The following KREMEN1 variants were observed in gnomAD, a reference collection of about 807,000 sequenced individuals.
The protein encoded by KREMEN1 is kringle containing transmembrane protein 1.
A neutral mutation model predicts 46.5 loss-of-function variants in KREMEN1; 30 were observed. The ratio of observed to expected loss-of-function variants is 0.65; its 90% CI spans 0.48 to 0.88. The LOEUF (loss-of-function observed/expected upper bound fraction) is 0.88. Among genes scored for constraint, KREMEN1 ranks in the 40% least tolerant of loss-of-function variants. The pLI is 0.00. For missense variants in KREMEN1, 533 were observed against 596.9 expected (o/e 0.89, Z 1.11); for synonymous variants, 214 against 230.6 (o/e 0.93, Z 0.65).
At chr22:29,119,531 C>A (rs1472820551) in intron 3 of KREMEN1, among the ~76,000 whole-genome samples, 1 of 152,190 alleles carries the variant, frequency 6.6e-6, no homozygotes, top group Non-Finnish European at 1.5e-5. Context: ...CAGGAGCCTA[C>A]CAAGAGTTGC....
At chr22:29,120,534 CGGAGGAGGG>C (rs2038335648) in intron 3 of KREMEN1, among the ~76,000 whole-genome samples, 14 of 59,548 alleles carry the variant, frequency 2.4e-4, no homozygotes, top group East Asian at 9.3e-4. Flanking sequence ...ATGATGGAAA[CGGAGGAGGG>C]AGAGGTGACG....
chr22:29,134,017 C>CT (rs2038616029), intron 5 of KREMEN1: 1 of 152,076 alleles, frequency 6.6e-6, no homozygotes, highest in African/African-American at 2.4e-5. Context: ...TTCTTCAGTG[C>CT]TTGCTTCAGC....
At position 29,144,863 on chromosome 22, in the gene KREMEN1, G is replaced by A. The variant is rs759746584; in HGVS notation, c.*2751G>A. Reference sequence around the variant, plus strand: ...CCAATGTGCTGTCACAGCCTGCAGCGGGGGCAGCACTTCCTCGGAGGGCCT... The same window carrying A: ...CCAATGTGCTGTCACAGCCTGCAGCAGGGGCAGCACTTCCTCGGAGGGCCT... On this transcript the variant is annotated 3_prime_UTR_variant, in exon 9 of 9. Transcript: ENST00000400335. 1.9e-4 allele frequency: 190 copies of A among 985,404 alleles called. No homozygotes were observed. Among genetic ancestry groups the A allele is most frequent in the Non-Finnish European group, 2.2e-4 (184 of 830,014 alleles). 61.0% of individuals were successfully genotyped at this position (985,404 alleles called of 1,614,324 possible).
chr22:29,081,167 TTGCC>T (rs1382471923), intron 1 of KREMEN1, among the ~76,000 whole-genome samples: 1 of 152,264 alleles, frequency 6.6e-6, no homozygotes, highest in East Asian at 1.9e-4. Flanking sequence ...TTACTGTTAG[TTGCC>T]TGCCTAGGAA....
Position 29,143,211 on chromosome 22 carries a change from C to T in KREMEN1, c.*1099C>T. On this transcript the variant is annotated 3_prime_UTR_variant, in exon 9 of 9. Coordinates refer to ENST00000400335, the MANE Select transcript of KREMEN1 (RefSeq NM_001039570.3). ...TTCATTTACTCATGCAATAAATTCT[C>T]CTGCAAGCTTTTATGGGCACTCAGT... 1.0e-6 allele frequency: 1 copy of T among 985,362 alleles called. No homozygotes were observed. Among genetic ancestry groups the T allele is most frequent in the Non-Finnish European group, 1.2e-6 (1 of 829,908 alleles). 61.0% of individuals were successfully genotyped at this position (985,362 alleles called of 1,614,324 possible). A position where few individuals can be genotyped will look rare whatever the true frequency, so the allele number is the denominator to read the frequency against.
chr22:29,133,131 C>T (rs1051675896), intron 5 of KREMEN1, among the ~76,000 whole-genome samples: 3 of 151,910 alleles, frequency 2.0e-5, no homozygotes, highest in African/African-American at 7.3e-5. Context: ...GCCTGTAGTC[C>T]CAGCTACTTG....
In KREMEN1 at chr22:29,145,576, A is replaced by C. The variant is rs879922236; in HGVS notation, c.*3464A>C. 92 of 985,348 alleles carry C rather than the reference A, an allele frequency of 9.3e-5. No homozygotes were observed. The highest frequency in any genetic ancestry group is 5.2e-4 in the Middle Eastern group (1 of 1,938). 61.0% of individuals were successfully genotyped at this position (985,348 alleles called of 1,614,324 possible). On this transcript the variant is annotated 3_prime_UTR_variant, in exon 9 of 9. Transcript: ENST00000400335. ...CCAGCTGTGGCCCCTAGTTTCTAGC[A>C]GCGTTTCTCAGTGTCCTTGGCCCTT...
At chr22:29,166,551 C>A (rs2039054052) in intron 9 of KREMEN1, among the ~76,000 whole-genome samples, 1 of 152,176 alleles carries the variant, frequency 6.6e-6, no homozygotes, top group African/African-American at 2.4e-5. Flanking sequence ...TAGTTTAGAA[C>A]CTTTAGAGTA....
intron 5 of KREMEN1, among the ~76,000 whole-genome samples, chr22:29,135,366 G>T (rs2038639549): frequency 6.6e-6 from 1 of 152,180 alleles, no homozygotes. Flanking sequence ...TCCCCCAGAG[G>T]CAAACAGATT....
chr22:29,091,887 A>G (rs2037811619), intron 1 of KREMEN1, among the ~76,000 whole-genome samples: 1 of 152,242 alleles, frequency 6.6e-6, no homozygotes, highest in South Asian at 2.1e-4. Flanking sequence ...TTAGGGGAAG[A>G]ACATTTTGGG....
intron 3 of KREMEN1, among the ~76,000 whole-genome samples, chr22:29,100,623 G>T (rs2037962083): frequency 6.6e-6 from 1 of 152,100 alleles, no homozygotes; most frequent in African/African-American, 2.4e-5. Flanking sequence ...CTATGTTACT[G>T]GTTTATGTAT....
At chr22:29,134,735 C>T (rs898648602) in intron 5 of KREMEN1, among the ~76,000 whole-genome samples, 2 of 152,032 alleles carry the variant, frequency 1.3e-5, no homozygotes, top group African/African-American at 4.8e-5. Flanking sequence ...TATCACTACC[C>T]TCAATGCACA....
Position 29,121,426 on chromosome 22 carries a change from C to T in KREMEN1, c.422C>T (p.Ser141Phe). 2 of 1,614,060 alleles carry T rather than the reference C, an allele frequency of 1.2e-6. No homozygotes were observed. Among genetic ancestry groups the T allele is most frequent in the South Asian group, 1.1e-5 (1 of 91,078 alleles). The change falls in exon 4 of 9, where the codon TCC becomes TTC. Residue 141 changes from serine (S) to phenylalanine (F), a missense_variant. Physicochemically the swap from Ser to Phe is radical, Grantham distance 155. Transcript: ENST00000400335. ...CCTCTAACTGGCACCAGTAAAACGT[C>T]CAACAAACTCACCATACAAACTTGC... ...PPPLTGTSKTSNKLTIQTCIS... is the reference protein window; with the variant it reads ...PPPLTGTSKTFNKLTIQTCIS...
intron 3 of KREMEN1, among the ~76,000 whole-genome samples, chr22:29,115,579 G>A (rs2038225927): frequency 1.3e-5 from 2 of 152,228 alleles, no homozygotes; most frequent in African/African-American, 2.4e-5. Flanking sequence ...GAATACAGGG[G>A]TGTGTGGAAG....
At chr22:29,131,552 A>ATGTG (rs2038537621) in intron 5 of KREMEN1, among the ~76,000 whole-genome samples, 1 of 67,004 alleles carries the variant, frequency 1.5e-5, no homozygotes, top group Admixed American at 1.7e-4. Context: ...ATATATATAT[A>ATGTG]TATATATATG....
chr22:29,112,855 C>G (rs2038174051), intron 3 of KREMEN1, among the ~76,000 whole-genome samples: 1 of 152,194 alleles, frequency 6.6e-6, no homozygotes, highest in Non-Finnish European at 1.5e-5. Context: ...GGGACACGAT[C>G]TAGAAATCCA....
rs920564107 is a variant in KREMEN1 at position 29,143,274 on chromosome 22, G to A, written c.*1162G>A. ...TTGGCTTTATCAGCCTTGCCACTGA[G>A]CAGCTCATGGTCCTATGGAACCTGA... On this transcript the variant is annotated 3_prime_UTR_variant, in exon 9 of 9. Coordinates refer to ENST00000400335, the MANE Select transcript of KREMEN1 (RefSeq NM_001039570.3). 2.0e-6 allele frequency: 2 copies of A among 985,286 alleles called. No individual in the cohort carries two copies. Among genetic ancestry groups the A allele is most frequent in the African/African-American group, 3.5e-5 (2 of 57,216 alleles). 61.0% of individuals were successfully genotyped at this position (985,286 alleles called of 1,614,324 possible).
intron 1 of KREMEN1, among the ~76,000 whole-genome samples, chr22:29,075,636 G>A (rs1236406601): frequency 6.6e-6 from 1 of 151,918 alleles, no homozygotes; most frequent in African/African-American, 2.4e-5. Flanking sequence ...GATACCCCAT[G>A]GTCTTCACCA....
chr22:29,076,625 C>T (rs1288617546), intron 1 of KREMEN1, among the ~76,000 whole-genome samples: 3 of 152,120 alleles, frequency 2.0e-5, no homozygotes, highest in Non-Finnish European at 4.4e-5. Flanking sequence ...TCAAGGCAGA[C>T]GGATCACCTG....
Sources: allele counts gnomAD v4.1 joint callset (sites outside exome capture counted in the v4.1 genomes callset), GRCh38; gene constraint gnomAD v4.1.1; transcripts MANE v1.5; gene names NCBI Gene and HGNC (gene_info 2026-07-23, HGNC 2026-07-21).